Variants in DPY19L1 observed in about 807,000 individuals in gnomAD.
The protein encoded by DPY19L1 is dpy-19 like C-mannosyltransferase 1.
In DPY19L1, 35 loss-of-function variants were observed where a neutral mutation model predicts 96.9. The observed-to-expected ratio is 0.36, with a 90% CI of 0.28 to 0.48. The LOEUF (loss-of-function observed/expected upper bound fraction) is 0.48, where lower values mean the gene tolerates loss of function less well. DPY19L1 is among the 20% of genes least tolerant of loss of function. The pLI, the probability that DPY19L1 is intolerant of heterozygous loss-of-function variation, is 0.99. For missense variants in DPY19L1, 521 were observed against 777.9 expected (o/e 0.67, Z 3.93); for synonymous variants, 205 against 252.6 (o/e 0.81, Z 1.79).
chr7:35,015,181 T>C (rs1025091246), intron 3 of DPY19L1, among the ~76,000 whole-genome samples: 1 of 152,122 alleles, frequency 6.6e-6, no homozygotes, highest in African/African-American at 2.4e-5. Flanking sequence ...ATATGTTTAA[T>C]TATAAAACAA....
intron 8 of DPY19L1, among the ~76,000 whole-genome samples, chr7:34,969,929 T>C (rs1382697900): frequency 6.6e-6 from 1 of 152,174 alleles, no homozygotes; most frequent in East Asian, 1.9e-4. Context: ...ACTACTGCAA[T>C]AATGCAGAAT....
intron 11 of DPY19L1, among the ~76,000 whole-genome samples, chr7:34,957,417 T>C (rs1215483810): frequency 2.0e-5 from 3 of 152,092 alleles, no homozygotes; most frequent in Admixed American, 6.6e-5. Context: ...AACAAAGTCA[T>C]CCTGCCATAT....
intron 7 of DPY19L1, among the ~76,000 whole-genome samples, 187 bp from the exon 8 acceptor site, chr7:34,973,792 C>T (rs1452510229): frequency 6.6e-6 from 1 of 152,094 alleles, no homozygotes; most frequent in Non-Finnish European, 1.5e-5. Flanking sequence ...GACAGAGACA[C>T]ATGTGGCTTA....
At chr7:35,018,662 T>C (rs1785917611) in intron 1 of DPY19L1, 66 bp from the exon 2 acceptor site, 24 of 1,403,226 alleles carry the variant, frequency 1.7e-5, no homozygotes, top group Middle Eastern at 1.9e-4. Flanking sequence ...AGAAAAGCCA[T>C]TTCAAAGATA....
intron 20 of DPY19L1, 27 bp from the exon 21 acceptor site, chr7:34,938,146 A>C (rs747802958): frequency 1.9e-6 from 3 of 1,605,722 alleles, no homozygotes; most frequent in Non-Finnish European, 2.6e-6. Context: ...TTGGGCATAA[A>C]ATTTTCAAGA....
intron 7 of DPY19L1, among the ~76,000 whole-genome samples, chr7:34,981,450 T>C (rs1398518584): frequency 6.6e-6 from 1 of 152,190 alleles, no homozygotes; most frequent in African/African-American, 2.4e-5. Flanking sequence ...GGGAAGAGGA[T>C]ATTCAAGTGT....
At chr7:34,954,261 G>A (rs1400914773) in intron 13 of DPY19L1, among the ~76,000 whole-genome samples, 1 of 151,828 alleles carries the variant, frequency 6.6e-6, no homozygotes, top group African/African-American at 2.4e-5. Context: ...AGACTCACTT[G>A]GATTACATTA....
At position 35,010,577 on chromosome 7, in the gene DPY19L1, A is replaced by T. The variant is rs1201084720; in HGVS notation, c.671-16T>A. On this transcript the variant is annotated splice_polypyrimidine_tract_variant and intron_variant, in intron 5 of 21. Transcript: ENST00000638088. ...TCTCCCAATCCTTTAAAAATAAACA[A>T]AACATATGTTCTAATCACATTAACC... The T allele has an allele frequency of 1.3e-6, 2 of 1,541,334 alleles. No individual in the cohort carries two copies. Among genetic ancestry groups the T allele is most frequent in the African/African-American group, 2.7e-5 (2 of 72,894 alleles).
intron 20 of DPY19L1, 127 bp from the exon 21 acceptor site, chr7:34,938,246 T>TG (rs1467432591): frequency 9.2e-7 from 1 of 1,088,336 alleles, no homozygotes; most frequent in Non-Finnish European, 1.3e-6. Context: ...AAATTCCCCA[T>TG]GGAAGTTCCC....
chr7:35,004,915 T>G (rs1785516667), intron 6 of DPY19L1, among the ~76,000 whole-genome samples: 1 of 152,138 alleles, frequency 6.6e-6, no homozygotes, highest in South Asian at 2.1e-4. Flanking sequence ...TCCCCCAGGA[T>G]GACTCATCAG....
chr7:34,944,378 A>AAG lies in DPY19L1; in HGVS notation c.1544+1288_1544+1289insCT, dbSNP rs1207054355. ...GAGGCTCTGTCTCAAAAAAAAAAAA[A>AAG]AAAAAAGAAAAATTAAAAAAAAGAA... On this transcript the variant is annotated intron_variant, in intron 16 of 21. Coordinates refer to ENST00000638088, the MANE Select transcript of DPY19L1 (RefSeq NM_001366673.1). Among the ~76,000 whole-genome samples the AAG allele has an allele frequency of 4.0e-5, 6 of 150,818 alleles. No homozygotes were observed. In the East Asian group the frequency reaches 1.2e-3, roughly 29 times the overall value.
chr7:34,991,381 A>G (rs560249336), intron 6 of DPY19L1, among the ~76,000 whole-genome samples: 2 of 152,330 alleles, frequency 1.3e-5, no homozygotes, highest in East Asian at 3.9e-4. Context: ...AAAGGGGCAA[A>G]GAAACTGAAG....
chr7:34,945,826 G>T, intron 15 of DPY19L1, 110 bp from the exon 16 acceptor site: 1 of 727,828 alleles, frequency 1.4e-6, no homozygotes, highest in Non-Finnish European at 2.3e-6. Flanking sequence ...TATAAGTATA[G>T]AGATAACTCA....
At chr7:34,936,144 G>C (rs547175184) in intron 21 of DPY19L1, among the ~76,000 whole-genome samples, 68 of 152,356 alleles carry the variant, frequency 4.5e-4, no homozygotes, top group Non-Finnish European at 7.8e-4. Context: ...CTGATTGCTC[G>C]TAAGTGACTT....
chr7:34,965,625 C>G, intron 10 of DPY19L1, among the ~76,000 whole-genome samples: 1 of 151,946 alleles, frequency 6.6e-6, no homozygotes, highest in Admixed American at 6.6e-5. Flanking sequence ...ATTTTATGAC[C>G]GTGTTTATAA....
chr7:34,976,950 ATT>A (rs376435654), intron 7 of DPY19L1, among the ~76,000 whole-genome samples: 1 of 150,008 alleles, frequency 6.7e-6, no homozygotes, highest in African/African-American at 2.5e-5. Context: ...CACCCAGCTA[ATT>A]TTTTTTTTGT....
At position 35,017,110 on chromosome 7, in the gene DPY19L1, T is replaced by G. The variant is rs573040685; in HGVS notation, c.411+772A>C. Among the ~76,000 whole-genome samples, 5 of 152,228 alleles carry G rather than the reference T, an allele frequency of 3.3e-5. No individual in the cohort carries two copies. In the South Asian group the frequency reaches 1.0e-3, roughly 32 times the overall value. ...TCCAGTATGTCTTGTGCCATGGTTT[T>G]GTGCCATAGTTAAAACAAAGTCTTA... On this transcript the variant is annotated intron_variant, in intron 3 of 21. Transcript: ENST00000638088.
chr7:34,989,705 G>C (rs1022592070), intron 7 of DPY19L1, among the ~76,000 whole-genome samples, 179 bp downstream of exon 7: 2 of 151,132 alleles, frequency 1.3e-5, no homozygotes, highest in African/African-American at 4.9e-5. Context: ...AAATTACTAA[G>C]CCTTATATCA....
At chr7:35,034,321 T>C (rs1236339353) in intron 1 of DPY19L1, among the ~76,000 whole-genome samples, 1 of 152,192 alleles carries the variant, frequency 6.6e-6, no homozygotes, top group Non-Finnish European at 1.5e-5. Context: ...GACTTATGCA[T>C]ATATGTACTG....
Sources: gnomAD v4.1 joint callset for allele counts (sites outside exome capture counted in the v4.1 genomes callset) on GRCh38, gnomAD v4.1.1 for gene constraint, MANE v1.5 for transcripts, NCBI Gene and HGNC (gene_info 2026-07-23, HGNC 2026-07-21) for gene names.